PRKCE: variants seen among roughly 807,000 people sequenced by gnomAD.
The protein encoded by PRKCE is protein kinase C epsilon type.
In PRKCE, 16 loss-of-function variants were observed where a neutral mutation model predicts 85.4. The ratio of observed to expected loss-of-function variants is 0.19; its 90% CI spans 0.13 to 0.28. The LOEUF (loss-of-function observed/expected upper bound fraction) is 0.28. Among genes scored for constraint, PRKCE ranks in the 10% least tolerant of loss-of-function variants. The pLI is 1.00. For missense variants in PRKCE, 573 were observed against 975.2 expected (o/e 0.59, Z 5.49); for synonymous variants, 388 against 371.5 (o/e 1.04, Z -0.51).
intron 11 of PRKCE, among the ~76,000 whole-genome samples, chr2:46,091,420 C>CCA (rs1370207106): frequency 2.0e-5 from 3 of 152,196 alleles, no homozygotes; most frequent in African/African-American, 7.2e-5. Context: ...CCCTCTGTCC[C>CCA]CATGTCATGA....
At chr2:45,718,705 C>T (rs909430328) in intron 1 of PRKCE, among the ~76,000 whole-genome samples, 1 of 152,066 alleles carries the variant, frequency 6.6e-6, no homozygotes, top group South Asian at 2.1e-4. Flanking sequence ...TGTTATGTCA[C>T]CTGGGACTCT....
intron 2 of PRKCE, among the ~76,000 whole-genome samples, chr2:45,872,060 T>C (rs1694133669): frequency 6.6e-6 from 1 of 151,848 alleles, no homozygotes; most frequent in African/African-American, 2.4e-5. Context: ...GAACTTACAT[T>C]CTGGTTGAGG....
chr2:46,023,179 G>C (rs926272971), intron 10 of PRKCE, among the ~76,000 whole-genome samples: 1 of 151,802 alleles, frequency 6.6e-6, no homozygotes, highest in South Asian at 2.1e-4. Flanking sequence ...TAGAATGATG[G>C]CCTGTTCTGG....
At chr2:45,884,970 TATATATATATATATATATATATA>T (rs1353770662) in intron 2 of PRKCE, among the ~76,000 whole-genome samples, 1,685 of 61,678 alleles carry the variant, frequency 0.027, 152 homozygotes, top group Non-Finnish European at 0.04. Context: ...TATATATATA[TATATATATATATATATATATATA>T]TATATATATT....
intron 1 of PRKCE, among the ~76,000 whole-genome samples, chr2:45,665,028 T>C (rs1675847046): frequency 6.6e-6 from 1 of 152,256 alleles, no homozygotes; most frequent in Non-Finnish European, 1.5e-5. Flanking sequence ...CACCACGATG[T>C]TGGAATTGCT....
At chr2:45,843,315 G>T (rs768926441) in intron 2 of PRKCE, among the ~76,000 whole-genome samples, 1 of 152,246 alleles carries the variant, frequency 6.6e-6, no homozygotes, top group African/African-American at 2.4e-5. Context: ...GTTTTTGCAC[G>T]CTGTGTGCAA....
At chr2:46,140,292 G>A (rs1254779585) in intron 11 of PRKCE, among the ~76,000 whole-genome samples, 1 of 152,098 alleles carries the variant, frequency 6.6e-6, no homozygotes, top group Non-Finnish European at 1.5e-5. Context: ...GTGTTAAAAG[G>A]CATTATAAAC....
intron 1 of PRKCE, among the ~76,000 whole-genome samples, chr2:45,780,544 A>C (rs1314132840): frequency 1.3e-5 from 2 of 152,220 alleles, no homozygotes; most frequent in East Asian, 3.8e-4. Context: ...GTGGGATTGA[A>C]GAAAGAAGGA....
At position 45,668,839 on chromosome 2, in the gene PRKCE, A is replaced by T. The variant is rs1676030704; in HGVS notation, c.348+16391A>T. Among the ~76,000 whole-genome samples, 2 of 152,172 alleles carry T rather than the reference A, an allele frequency of 1.3e-5. 1 individual carries two copies. The highest frequency in any genetic ancestry group is 4.1e-4 in the South Asian group (2 of 4,826). ...TGTCACACACATGTAAGTAATAGTG[A>T]TGAACCACTTTGGGATTCAGGGAGG... On this transcript the variant is annotated intron_variant, in intron 1 of 14. Coordinates refer to ENST00000306156, the MANE Select transcript of PRKCE (RefSeq NM_005400.3).
intron 2 of PRKCE, among the ~76,000 whole-genome samples, chr2:45,885,562 A>T (rs1573747107): frequency 6.6e-6 from 1 of 152,232 alleles, no homozygotes; most frequent in Admixed American, 6.5e-5. Flanking sequence ...GTTAATCTAC[A>T]TGAATTAATA....
intron 2 of PRKCE, among the ~76,000 whole-genome samples, chr2:45,911,961 T>C (rs1697411533): frequency 6.6e-6 from 1 of 152,110 alleles, no homozygotes. Flanking sequence ...TGGTATTTTA[T>C]TGTGTTGTTG....
intron 10 of PRKCE, among the ~76,000 whole-genome samples, chr2:46,069,136 T>A (rs749408411): frequency 6.6e-5 from 10 of 152,196 alleles, no homozygotes; most frequent in African/African-American, 2.4e-4. Context: ...TTGAAGATGC[T>A]TTGAAGAGGA....
chr2:45,859,176 T>G (rs1398105928), intron 2 of PRKCE, among the ~76,000 whole-genome samples: 3 of 152,112 alleles, frequency 2.0e-5, no homozygotes, highest in Non-Finnish European at 4.4e-5. Context: ...TTCGTTTTTT[T>G]ATTGCTGTAT....
chr2:45,970,390 C>T (rs1057045857), intron 2 of PRKCE, among the ~76,000 whole-genome samples: 1 of 152,054 alleles, frequency 6.6e-6, no homozygotes, highest in African/African-American at 2.4e-5. Context: ...ATATATATTT[C>T]AATTTGTTGA....
At chr2:45,869,277 C>T (rs998240652) in intron 2 of PRKCE, among the ~76,000 whole-genome samples, 1 of 152,202 alleles carries the variant, frequency 6.6e-6, no homozygotes, top group Non-Finnish European at 1.5e-5. Flanking sequence ...ATGTTAGCCA[C>T]TATTGTTATT....
intron 10 of PRKCE, among the ~76,000 whole-genome samples, chr2:46,070,505 T>C (rs971867019): frequency 1.3e-5 from 2 of 152,278 alleles, no homozygotes; most frequent in African/African-American, 2.4e-5. Context: ...TAGCCAGGTG[T>C]GGTGACATGC....
At chr2:46,169,570 G>A (rs1678688085) in intron 14 of PRKCE, among the ~76,000 whole-genome samples, 1 of 152,178 alleles carries the variant, frequency 6.6e-6, no homozygotes, top group African/African-American at 2.4e-5. Context: ...AGGGAACTAT[G>A]AAATATATTT....
At chr2:46,066,724 G>C (rs1667654577) in intron 10 of PRKCE, among the ~76,000 whole-genome samples, 1 of 152,180 alleles carries the variant, frequency 6.6e-6, no homozygotes, top group South Asian at 2.1e-4. Flanking sequence ...TTATAAGTAC[G>C]TGGGAACTAT....
chr2:45,798,462 G>A (rs1167271752), intron 1 of PRKCE, among the ~76,000 whole-genome samples: 6 of 152,130 alleles, frequency 3.9e-5, no homozygotes, highest in African/African-American at 1.4e-4. Flanking sequence ...TAGGCGCTAA[G>A]GGAGAGCCAT....
Sources: allele counts gnomAD v4.1 joint callset (sites outside exome capture counted in the v4.1 genomes callset), GRCh38; gene constraint gnomAD v4.1.1; transcripts MANE v1.5; gene names NCBI Gene and HGNC (gene_info 2026-07-23, HGNC 2026-07-21).